Variants in MCC observed in about 807,000 individuals in gnomAD.
MCC encodes the protein MCC regulator of Wnt signaling pathway.
Under a neutral mutation model 116.2 loss-of-function variants are expected in MCC, and 90 were observed. That is an observed-to-expected ratio of 0.77 (90% CI 0.65 to 0.92). The LOEUF is 0.92. Among genes scored for constraint, MCC ranks in the 40% least tolerant of loss-of-function variants. The probability of loss-of-function intolerance (pLI) is 0.00; values close to 1 mark genes in which losing one functional copy is unlikely to be tolerated. For synonymous variants in MCC, 578 were observed against 510.5 expected (o/e 1.13, Z -1.78); for missense variants, 1,516 against 1,312.2 (o/e 1.16, Z -2.40).
At chr5:113,386,814 T>TACACATACACACAC (rs70973681) in intron 1 of MCC, among the ~76,000 whole-genome samples, 1 of 149,714 alleles carries the variant, frequency 6.7e-6, no homozygotes, top group African/African-American at 2.5e-5. Context: ...CATATACACA[T>TACACATACACACAC]ACACATATAT....
chr5:113,089,871 A>T (rs144356273), intron 8 of MCC, among the ~76,000 whole-genome samples: 57 of 152,328 alleles, frequency 3.7e-4, no homozygotes, highest in Non-Finnish European at 7.2e-4. Context: ...TAGCAATGAG[A>T]AAGAAAAACA....
intron 5 of MCC, among the ~76,000 whole-genome samples, chr5:113,130,501 T>C (rs1056068452): frequency 6.6e-6 from 1 of 152,092 alleles, no homozygotes; most frequent in African/African-American, 2.4e-5. Context: ...AAAGGCAATA[T>C]ACCTTCTTGA....
intron 3 of MCC, among the ~76,000 whole-genome samples, chr5:113,246,550 G>C (rs981138969): frequency 4.6e-5 from 7 of 152,204 alleles, no homozygotes; most frequent in African/African-American, 1.7e-4. Flanking sequence ...TTTGGTGAAT[G>C]CTGGAGGAAT....
At chr5:113,145,937 T>A (rs1490239452) in intron 4 of MCC, among the ~76,000 whole-genome samples, 1 of 152,032 alleles carries the variant, frequency 6.6e-6, no homozygotes, top group Non-Finnish European at 1.5e-5. Flanking sequence ...AGAGGCAACA[T>A]GAAGCCTGGT....
chr5:113,251,199 C>T (rs1276539463), intron 3 of MCC, among the ~76,000 whole-genome samples: 2 of 152,236 alleles, frequency 1.3e-5, no homozygotes, highest in Non-Finnish European at 2.9e-5. Flanking sequence ...GCCATATGTA[C>T]TAACTGTATT....
At chr5:113,318,569 C>CAGA (rs1767345001) in intron 3 of MCC, among the ~76,000 whole-genome samples, 1 of 152,144 alleles carries the variant, frequency 6.6e-6, no homozygotes, top group African/African-American at 2.4e-5. Context: ...CCTTAGCAAA[C>CAGA]TAACGCAGGA....
intron 3 of MCC, among the ~76,000 whole-genome samples, chr5:113,170,350 G>A (rs1251608654): frequency 2.6e-5 from 4 of 152,020 alleles, no homozygotes; most frequent in Non-Finnish European, 5.9e-5. Context: ...TTGTAGAATT[G>A]GGCAATATAC....
At chr5:113,402,964 T>C (rs1769735056) in intron 1 of MCC, among the ~76,000 whole-genome samples, 1 of 152,148 alleles carries the variant, frequency 6.6e-6, no homozygotes, top group Non-Finnish European at 1.5e-5. Flanking sequence ...GACAGGTCAA[T>C]TTTTAATATT....
At chr5:113,108,057 C>T (rs1756851317) in intron 6 of MCC, among the ~76,000 whole-genome samples, 1 of 152,112 alleles carries the variant, frequency 6.6e-6, no homozygotes, top group South Asian at 2.1e-4. Context: ...GGAAAGTAAC[C>T]ATAGAGGCCA....
intron 11 of MCC, among the ~76,000 whole-genome samples, chr5:113,074,670 A>G (rs567487804): frequency 3.2e-4 from 49 of 152,360 alleles, no homozygotes; most frequent in Non-Finnish European, 3.4e-4. Flanking sequence ...TAACTAGAAT[A>G]AACAGTGTAG....
chr5:113,397,242 C>G (rs1310686678), intron 1 of MCC, among the ~76,000 whole-genome samples: 1 of 152,140 alleles, frequency 6.6e-6, no homozygotes, highest in Non-Finnish European at 1.5e-5. Context: ...CTTGGCTCCT[C>G]CCACTGTCTT....
At chr5:113,399,082 T>C (rs1769608081) in intron 1 of MCC, among the ~76,000 whole-genome samples, 1 of 152,190 alleles carries the variant, frequency 6.6e-6, no homozygotes, top group South Asian at 2.1e-4. Context: ...AAGTATAGAA[T>C]ATGTTTTGTT....
chr5:113,068,051 G>A (rs1172081268), intron 13 of MCC, 29 bp downstream of exon 13: 3 of 1,571,120 alleles, frequency 1.9e-6, no homozygotes, highest in East Asian at 2.2e-5. Flanking sequence ...GGAGACAAGA[G>A]GAGGAAGAGG....
At chr5:113,330,764 T>G (rs778656602) in intron 3 of MCC, among the ~76,000 whole-genome samples, 49 of 152,194 alleles carry the variant, frequency 3.2e-4, no homozygotes, top group Non-Finnish European at 6.5e-4. Flanking sequence ...ACTTGAAATT[T>G]TTCTAAATCC....
intron 14 of MCC, among the ~76,000 whole-genome samples, chr5:113,059,022 G>A (rs915967413): frequency 2.0e-5 from 3 of 152,144 alleles, no homozygotes; most frequent in East Asian, 1.9e-4. Context: ...TAACACGAAC[G>A]CAGGCAGGCA....
At chr5:113,276,741 T>C (rs1765839318) in intron 3 of MCC, among the ~76,000 whole-genome samples, 1 of 151,930 alleles carries the variant, frequency 6.6e-6, no homozygotes, top group Non-Finnish European at 1.5e-5. Flanking sequence ...ATCCTCCCAC[T>C]TCAGCTTCCC....
intron 3 of MCC, among the ~76,000 whole-genome samples, chr5:113,270,106 C>T (rs1378197491): frequency 6.6e-6 from 1 of 152,070 alleles, no homozygotes; most frequent in Non-Finnish European, 1.5e-5. Flanking sequence ...AAAAGGGTAC[C>T]TACAGGAGGT....
intron 3 of MCC, among the ~76,000 whole-genome samples, chr5:113,196,474 C>G (rs557117980): frequency 4.6e-5 from 7 of 152,254 alleles, no homozygotes; most frequent in Non-Finnish European, 7.3e-5. Flanking sequence ...TTGCTAGATA[C>G]TATGATTTTG....
chr5:113,361,902 C>T (rs1360809240), intron 2 of MCC, among the ~76,000 whole-genome samples: 1 of 152,164 alleles, frequency 6.6e-6, no homozygotes, highest in African/African-American at 2.4e-5. Flanking sequence ...GGCCTTTGGA[C>T]TTGGACTGAG....
Sources: allele counts gnomAD v4.1 joint callset (sites outside exome capture counted in the v4.1 genomes callset), GRCh38; gene constraint gnomAD v4.1.1; transcripts MANE v1.5; gene names NCBI Gene and HGNC (gene_info 2026-07-23, HGNC 2026-07-21).